Variants in PLEKHG5 observed in about 807,000 individuals in gnomAD.
PLEKHG5 encodes pleckstrin homology and RhoGEF domain containing G5, also known as pleckstrin homology domain-containing family G member 5.
Under a neutral mutation model 103.8 loss-of-function variants are expected in PLEKHG5, and 52 were observed. The observed-to-expected ratio is 0.50, with a 90% CI of 0.40 to 0.63. The LOEUF (loss-of-function observed/expected upper bound fraction) is 0.63, where lower values mean the gene tolerates loss of function less well. Among genes scored for constraint, PLEKHG5 ranks in the 30% least tolerant of loss-of-function variants. The pLI, the probability that PLEKHG5 is intolerant of heterozygous loss-of-function variation, is 0.00. For missense variants in PLEKHG5, 1,205 were observed against 1,347.6 expected, an observed-to-expected ratio of 0.89 and a Z score of 1.66; for synonymous variants, 592 against 575.5, an observed-to-expected ratio of 1.03 and a Z score of -0.41.
intron 1 of PLEKHG5, among the ~76,000 whole-genome samples, chr1:6,510,852 C>A (rs1638451738): frequency 6.6e-6 from 1 of 152,124 alleles, no homozygotes; most frequent in African/African-American, 2.4e-5. Context: ...TTTGGGAGGC[C>A]AAGGCGGGTG....
rs1645146536 is a variant in PLEKHG5, at chr1:6,491,238, A to G, written c.-88+399T>C. The stretch of plus-strand genomic sequence containing the variant: ...GGAAGGGTGTGGATACAGGGGGCCC[A>G]CTCGAGGAGGTGGAGTTCAGGTCCA... On this transcript the variant is annotated intron_variant, in intron 1 of 20. Transcript: ENST00000377728. The surrounding 1 kb of genome is among the most constrained non-coding windows in gnomAD (Gnocchi z 4.1). Among the ~76,000 whole-genome samples, 1 of 151,772 alleles carries G rather than the reference A, an allele frequency of 6.6e-6. No individual in the cohort carries two copies. Among genetic ancestry groups the G allele is most frequent in the African/African-American group, 2.4e-5 (1 of 41,270 alleles).
intron 1 of PLEKHG5, among the ~76,000 whole-genome samples, chr1:6,517,018 C>T (rs945578633): frequency 7.3e-5 from 11 of 150,450 alleles, no homozygotes; most frequent in Admixed American, 2.0e-4. Context: ...GAAGCCAAGA[C>T]GGGTGGATCA....
At chr1:6,497,362 C>T (rs935828243), upstream of PLEKHG5, 2 of 1,076,818 alleles carry the variant, frequency 1.9e-6, no homozygotes, top group Non-Finnish European at 2.3e-6. The surrounding 1 kb of genome is among the most constrained non-coding windows in gnomAD (Gnocchi z 6.1). Flanking sequence ...GGGCGGCGGG[C>T]GGGGGCGCCG....
rs1638275229 is a variant in PLEKHG5, at chr1:6,505,101, A to ACCCAGG, written c.-164-8538_-164-8533dup. Among the ~76,000 whole-genome samples, 4 of 152,252 alleles carry ACCCAGG rather than the reference A, an allele frequency of 2.6e-5. No individual in the cohort carries two copies. The South Asian group carries it at 8.3e-4, about 32-fold the overall frequency. On this transcript the variant is annotated intron_variant, in intron 1 of 21. Coordinates refer to the PLEKHG5 transcript ENST00000377740. The surrounding 1 kb of genome is among the most constrained non-coding windows in gnomAD (Gnocchi z 4.2). ...GAGGATGAGGCTAATGGAGAAGAGA[A>ACCCAGG]CCCAGGCCCAGGCCCCGGCCCCAGA...
At chr1:6,474,305 C>T in intron 6 of PLEKHG5, 141 bp from the exon 7 acceptor site, 1 of 1,323,598 alleles carries the variant, frequency 7.6e-7, no homozygotes, top group East Asian at 2.5e-5. Context: ...CCCTCCCCTC[C>T]CCCAGCAGCA....
At chr1:6,468,741 G>A (rs1349947980) in intron 19 of PLEKHG5, among the ~76,000 whole-genome samples, 155 bp from the exon 20 acceptor site, 1 of 152,152 alleles carries the variant, frequency 6.6e-6, no homozygotes, top group East Asian at 1.9e-4. Flanking sequence ...AGATCTTCCA[G>A]CTCCAGTGCC....
intron 6 of PLEKHG5, 97 bp from the exon 7 acceptor site, chr1:6,474,261 C>A: frequency 6.8e-7 from 1 of 1,471,564 alleles, no homozygotes; most frequent in Non-Finnish European, 9.3e-7. Context: ...CCAAGGCCTG[C>A]CTGCCCTCCC....
chr1:6,490,656 G>A lies in PLEKHG5; in HGVS notation c.-88+981C>T. 1 of 963,226 alleles carries A rather than the reference G, an allele frequency of 1.0e-6. No individual in the cohort carries two copies. The highest frequency in any genetic ancestry group is 1.2e-6 in the Non-Finnish European group (1 of 809,938). 59.7% of individuals were successfully genotyped at this position (963,226 alleles called of 1,614,324 possible). On this transcript the variant is annotated intron_variant, in intron 1 of 20. Coordinates refer to ENST00000377728, the MANE Select transcript of PLEKHG5 (RefSeq NM_020631.6). This position sits in a 1 kb window ranked among gnomAD's most constrained non-coding sequence, Gnocchi z 8.0. ...GGACCGGCCGGGATGTACCAACGGCGCCGCCCGGCTGGGACCGGGGAGAGG... is the reference window on the plus strand; with the variant it reads ...GGACCGGCCGGGATGTACCAACGGCACCGCCCGGCTGGGACCGGGGAGAGG...
intron 1 of PLEKHG5, among the ~76,000 whole-genome samples, chr1:6,510,628 C>T (rs1638446739): frequency 1.3e-5 from 2 of 152,208 alleles, no homozygotes; most frequent in Admixed American, 1.3e-4. Flanking sequence ...TCTGGAGGCA[C>T]AGGCTGAGAA....
In PLEKHG5 at chr1:6,475,151, TGGGGGTG is replaced by T; in HGVS notation, c.211-20_211-14del. On this transcript the variant is annotated splice_polypyrimidine_tract_variant and intron_variant, in intron 4 of 20. Transcript: ENST00000377728. ...CCTTGCTTGGGTCCTGGGAGGATGGTGGGGGTGGGGGCTGTGAGCTTCTCCTCACCGC... is the reference window on the plus strand; with the variant it reads ...CCTTGCTTGGGTCCTGGGAGGATGGTGGGGCTGTGAGCTTCTCCTCACCGC... 1 of 1,463,498 alleles carries T rather than the reference TGGGGGTG, an allele frequency of 6.8e-7. No homozygotes were observed. The highest frequency in any genetic ancestry group is 9.6e-7 in the Non-Finnish European group (1 of 1,043,422). The allele number at this position is 1,463,498 out of a possible 1,614,324, so 90.7% of individuals were successfully genotyped here.
rs765541463 is a variant in PLEKHG5 at position 6,474,535 on chromosome 1, C to T, written c.355G>A (p.Asp119Asn). The change falls in exon 6 of 21, where the codon GAC becomes AAC. Residue 119 changes from aspartate (D) to asparagine (N), a missense_variant. Transcript: ENST00000377728. ...ERKGIALGKVDIYLDQSNTPL... is the reference protein window; with the variant it reads ...ERKGIALGKVNIYLDQSNTPL... ...GTGTTGGACTGGTCCAGGTAGATGT[C>T]CACTTTGCCCAGCGCAATGCCCTTC... 6.2e-6 allele frequency: 10 copies of T among 1,613,822 alleles called. No homozygotes were observed. Among genetic ancestry groups the T allele is most frequent in the Non-Finnish European group, 6.8e-6 (8 of 1,179,904 alleles).
At chr1:6,511,809 G>A (rs1004980485) in intron 1 of PLEKHG5, among the ~76,000 whole-genome samples, 11 of 152,236 alleles carry the variant, frequency 7.2e-5, no homozygotes, top group African/African-American at 2.4e-4. Context: ...GAGTGAGTGT[G>A]TGACTGCCAC....
At chr1:6,479,303 T>C (rs1569906467) in intron 1 of PLEKHG5, among the ~76,000 whole-genome samples, 2 of 138,244 alleles carry the variant, frequency 1.4e-5, no homozygotes, top group East Asian at 2.4e-4. Flanking sequence ...TTTTTTTTTT[T>C]TGAGACGGAG....
upstream of PLEKHG5, among the ~76,000 whole-genome samples, chr1:6,495,544 C>G (rs1013301642): frequency 1.3e-5 from 2 of 152,218 alleles, no homozygotes; most frequent in Non-Finnish European, 2.9e-5. Context: ...TCCCAGCTCT[C>G]CCACTTCCTA....
rs1457887955 is a variant in PLEKHG5 at position 6,501,796 on chromosome 1, C to T, written c.-164-5227G>A. Among the ~76,000 whole-genome samples the T allele has an allele frequency of 2.6e-5, 4 of 152,162 alleles. No homozygotes were observed. Among genetic ancestry groups the T allele is most frequent in the Non-Finnish European group, 5.9e-5 (4 of 68,032 alleles). On this transcript the variant is annotated intron_variant, in intron 1 of 21. Coordinates refer to the PLEKHG5 transcript ENST00000377740. The surrounding 1 kb of genome is among the most constrained non-coding windows in gnomAD (Gnocchi z 4.3). ...AGCTGTCTGGAAAACGTGAATTGGT[C>T]CCCCCATCATGACATGAGTGTCCCC...
intron 7 of PLEKHG5, 38 bp downstream of exon 7, chr1:6,473,975 T>TG: frequency 1.2e-6 from 1 of 860,718 alleles, no homozygotes; most frequent in Non-Finnish European, 1.9e-6. Flanking sequence ...CCTGGGCCCC[T>TG]TCCCACCCCC....
exon 1 of PLEKHG5, chr1:6,519,703 GCTCTCAGC>G (rs1274602445): frequency 9.2e-5 from 58 of 633,694 alleles, no homozygotes; most frequent in Non-Finnish European, 6.5e-5. Flanking sequence ...AAACCAAGGC[GCTCTCAGC>G]CCTGCCAATT....
chr1:6,475,940 T>G lies in PLEKHG5; in HGVS notation c.140A>C (p.Asp47Ala), dbSNP rs1180280762. The G allele has an allele frequency of 1.2e-6, 2 of 1,613,512 alleles. No homozygotes were observed. The highest frequency in any genetic ancestry group is 1.7e-6 in the Non-Finnish European group (2 of 1,179,652). ...CTCATCCCTCACCTACCCTTTGCCA[T>G]CCACAGAGCTCTCCTCCTCCTCCTC... ...LEEEEEESSVDGKGDRKSTGL... is the reference protein window; with the variant it reads ...LEEEEEESSVAGKGDRKSTGL... The change falls in exon 3 of 21, where the codon GAT becomes GCT. Residue 47 changes from aspartate (D) to alanine (A), a missense_variant. Physicochemically the swap from Asp to Ala is moderately radical, Grantham distance 126. Transcript: ENST00000377728.
chr1:6,477,658 C>G lies in PLEKHG5; in HGVS notation c.-87G>C, dbSNP rs533055390. On this transcript the variant is annotated splice_region_variant and 5_prime_UTR_variant, in exon 2 of 21. An upstream start codon of the reference 5' UTR is lost. Transcript: ENST00000377728. ...TGCTGGCAGTCGGCGTGGTGACATA[C>G]CTGGGGTGGGGACAGAAGCCTTCAG... 1.1e-5 allele frequency: 18 copies of G among 1,603,178 alleles called. No individual in the cohort carries two copies. The highest frequency in any genetic ancestry group is 2.2e-5 in the South Asian group (2 of 91,078).
Sources: gnomAD v4.1 joint callset for allele counts (sites outside exome capture counted in the v4.1 genomes callset) on GRCh38, gnomAD v4.1.1 for gene constraint, Gnocchi (gnomAD v3.1) non-coding constraint, MANE v1.5 for transcripts, NCBI Gene and HGNC (gene_info 2026-07-23, HGNC 2026-07-21) for gene names.